The following TENM2 variants were observed in gnomAD, a reference collection of about 807,000 sequenced individuals.
The protein encoded by TENM2 is teneurin transmembrane protein 2, also known as teneurin-2.
In TENM2, 52 loss-of-function variants were observed where a neutral mutation model predicts 245.2. The observed-to-expected ratio is 0.21, with a 90% CI of 0.17 to 0.27. The LOEUF (loss-of-function observed/expected upper bound fraction) is 0.27. Among genes scored for constraint, TENM2 ranks in the 10% least tolerant of loss-of-function variants. The pLI, the probability that TENM2 is intolerant of heterozygous loss-of-function variation, is 1.00. For missense variants in TENM2, 3,046 were observed against 3,666.8 expected, an observed-to-expected ratio of 0.83 and a Z score of 4.37; for synonymous variants, 1,363 against 1,438.9, an observed-to-expected ratio of 0.95 and a Z score of 1.19.
intron 2 of TENM2, among the ~76,000 whole-genome samples, chr5:167,529,499 C>T (rs886742065): frequency 6.6e-6 from 1 of 152,170 alleles, no homozygotes; most frequent in African/African-American, 2.4e-5. Context: ...TGTTCACTTT[C>T]TGCACTTAGG....
chr5:167,543,712 A>G (rs1772368144), intron 2 of TENM2, among the ~76,000 whole-genome samples: 1 of 152,166 alleles, frequency 6.6e-6, no homozygotes, highest in African/African-American at 2.4e-5. Context: ...GCCCTTTGAA[A>G]TCTGTAAGAG....
At chr5:167,431,918 T>TATATATACAC (rs1561950049) in intron 2 of TENM2, among the ~76,000 whole-genome samples, 4 of 134,688 alleles carry the variant, frequency 3.0e-5, no homozygotes, top group African/African-American at 1.1e-4. Context: ...AGGTGTGATA[T>TATATATACAC]ATATATATAC....
chr5:167,995,031 C>G (rs1038767509), intron 5 of TENM2, among the ~76,000 whole-genome samples: 1 of 152,132 alleles, frequency 6.6e-6, no homozygotes, highest in South Asian at 2.1e-4. Flanking sequence ...TTCCTGTGCT[C>G]ACTTCTCAGG....
At chr5:167,250,784 A>G in the TENM2 span, among the ~76,000 whole-genome samples, 1 of 152,170 alleles carries the variant, frequency 6.6e-6, no homozygotes, top group Non-Finnish European at 1.5e-5. Flanking sequence ...GTGCATCTCA[A>G]TACAAAAATT....
At chr5:167,802,247 C>T (rs1337868002) in intron 2 of TENM2, among the ~76,000 whole-genome samples, 1 of 152,096 alleles carries the variant, frequency 6.6e-6, no homozygotes, top group Non-Finnish European at 1.5e-5. Flanking sequence ...CACAAACATT[C>T]AAAATATAGC....
chr5:168,160,231 T>C (rs1407475292), intron 12 of TENM2, among the ~76,000 whole-genome samples: 6 of 152,266 alleles, frequency 3.9e-5, no homozygotes, highest in Non-Finnish European at 7.3e-5. Flanking sequence ...GGTCTTTTCC[T>C]ACTGAGCTCA....
intron 2 of TENM2, among the ~76,000 whole-genome samples, chr5:167,721,848 A>G (rs989685555): frequency 1.3e-5 from 2 of 152,162 alleles, no homozygotes; most frequent in African/African-American, 2.4e-5. Flanking sequence ...TCCATTTCCA[A>G]TGCGATTTGA....
Position 168,218,390 on chromosome 5 carries a change from G to T in TENM2, c.4499G>T (p.Arg1500Leu), listed in dbSNP as rs757391209. The stretch of plus-strand genomic sequence containing the variant: ...GAGACAGATGAGAAGAAGATTAACC[G>T]TCTACGCCAGGTAACAACCAACGGG... Residue 1500 changes from arginine to leucine, a missense_variant, in exon 23 of 29, where the codon CGT (arginine) becomes CTT (leucine). Arg to Leu is a moderately radical substitution (Grantham distance 102). Transcript: ENST00000518659. This position sits in a 1 kb window ranked among gnomAD's most constrained non-coding sequence, Gnocchi z 5.2. 1.2e-6 allele frequency: 2 copies of T among 1,614,006 alleles called. No individual in the cohort carries two copies. Among genetic ancestry groups the T allele is most frequent in the Admixed American group, 1.7e-5 (1 of 60,032 alleles).
the TENM2 span, among the ~76,000 whole-genome samples, chr5:167,064,721 A>T: frequency 2.0e-5 from 3 of 152,218 alleles, no homozygotes; most frequent in African/African-American, 7.2e-5. Flanking sequence ...AAGTATCCTT[A>T]CAGTTATTGA....
chr5:167,887,382 A>T (rs900875059), intron 3 of TENM2, among the ~76,000 whole-genome samples: 4 of 152,246 alleles, frequency 2.6e-5, no homozygotes, highest in African/African-American at 9.6e-5. Context: ...AAGAAGGACA[A>T]TGTTAGAGTG....
intron 27 of TENM2, among the ~76,000 whole-genome samples, chr5:168,248,634 A>G (rs1046413403): frequency 3.9e-5 from 6 of 152,232 alleles, no homozygotes; most frequent in African/African-American, 1.4e-4. Context: ...TTCCTACCCC[A>G]ACAGAGGAAA....
intron 1 of TENM2, among the ~76,000 whole-genome samples, chr5:167,344,421 A>C (rs1421357461): frequency 6.6e-6 from 1 of 151,486 alleles, no homozygotes; most frequent in African/African-American, 2.4e-5. Context: ...TTTTTACCTT[A>C]AATTCAGTGA....
the TENM2 span, among the ~76,000 whole-genome samples, chr5:167,163,258 C>T: frequency 1.9e-3 from 285 of 152,228 alleles, no homozygotes; most frequent in Admixed American, 3.7e-3. Flanking sequence ...CATGCCACCA[C>T]GCCTGGCTTT....
chr5:167,759,612 T>A (rs1032011662), intron 2 of TENM2, among the ~76,000 whole-genome samples: 1 of 152,082 alleles, frequency 6.6e-6, no homozygotes, highest in Non-Finnish European at 1.5e-5. Context: ...GGGAAAGGAA[T>A]GTAGACAACA....
chr5:168,110,941 T>C (rs1794626090), intron 9 of TENM2, among the ~76,000 whole-genome samples: 1 of 152,262 alleles, frequency 6.6e-6, no homozygotes, highest in Non-Finnish European at 1.5e-5. Context: ...TAAAAGTCTC[T>C]TGCGATCTTC....
chr5:167,270,283 A>G, the TENM2 span, among the ~76,000 whole-genome samples: 1 of 152,194 alleles, frequency 6.6e-6, no homozygotes, highest in Non-Finnish European at 1.5e-5. Flanking sequence ...CACTTTAAGG[A>G]TCACGAAGTA....
intron 2 of TENM2, among the ~76,000 whole-genome samples, chr5:167,859,739 A>C (rs1178132091): frequency 4.7e-5 from 2 of 42,268 alleles, no homozygotes; most frequent in Non-Finnish European, 8.2e-5. Context: ...AGGTGGGGGG[A>C]TCAGCCCCCC....
chr5:167,144,002 C>T, the TENM2 span, among the ~76,000 whole-genome samples: 1 of 152,124 alleles, frequency 6.6e-6, no homozygotes. Context: ...CATGACCGCC[C>T]TTCTGTGATC....
intron 12 of TENM2, among the ~76,000 whole-genome samples, chr5:168,133,793 T>G (rs1472000298): frequency 6.6e-6 from 1 of 152,250 alleles, no homozygotes; most frequent in Non-Finnish European, 1.5e-5. Context: ...AAGACATGGC[T>G]CATCCATCCA....
Sources: allele counts gnomAD v4.1 joint callset (sites outside exome capture counted in the v4.1 genomes callset), GRCh38; gene constraint gnomAD v4.1.1; non-coding constraint Gnocchi (gnomAD v3.1); transcripts MANE v1.5; gene names NCBI Gene and HGNC (gene_info 2026-07-23, HGNC 2026-07-21).